The following HSD17B4 variants were observed in gnomAD, a reference collection of about 807,000 sequenced individuals.
HSD17B4 encodes hydroxysteroid 17-beta dehydrogenase 4, also known as peroxisomal multifunctional enzyme type 2.
Under a neutral mutation model 101.0 loss-of-function variants are expected in HSD17B4, and 70 were observed. The observed-to-expected ratio is 0.69, with a 90% CI of 0.57 to 0.85. The LOEUF (loss-of-function observed/expected upper bound fraction) is 0.85, where lower values mean the gene tolerates loss of function less well. HSD17B4 is among the 40% of genes least tolerant of loss of function. The pLI, the probability that HSD17B4 is intolerant of heterozygous loss-of-function variation, is 0.00. For missense variants in HSD17B4, 984 were observed against 892.4 expected, an observed-to-expected ratio of 1.10 and a Z score of -1.31; for synonymous variants, 347 against 297.1, an observed-to-expected ratio of 1.17 and a Z score of -1.73.
chr5:119,491,734 T>A (rs1750126935), intron 9 of HSD17B4, among the ~76,000 whole-genome samples: 2 of 152,200 alleles, frequency 1.3e-5, no homozygotes, highest in South Asian at 4.1e-4. Flanking sequence ...ATTGTTTGCT[T>A]CATGGTAACC....
chr5:119,528,772 T>C (rs1753814871), intron 20 of HSD17B4, among the ~76,000 whole-genome samples: 1 of 152,178 alleles, frequency 6.6e-6, no homozygotes, highest in African/African-American at 2.4e-5. Context: ...TATAATGTAT[T>C]CTTGCCATTT....
chr5:119,532,601 CATAA>C (rs957559683), intron 22 of HSD17B4, among the ~76,000 whole-genome samples: 1 of 151,966 alleles, frequency 6.6e-6, no homozygotes, highest in African/African-American at 2.4e-5. Flanking sequence ...TGAGATATTT[CATAA>C]ATAACTAACA....
intron 11 of HSD17B4, 138 bp from the exon 12 acceptor site, chr5:119,496,405 T>G: frequency 3.1e-6 from 2 of 649,658 alleles, no homozygotes; most frequent in South Asian, 3.7e-5. Context: ...TGACATACAT[T>G]CAGTTCATGA....
At chr5:119,501,047 G>A (rs899127253) in intron 13 of HSD17B4, among the ~76,000 whole-genome samples, 3 of 152,022 alleles carry the variant, frequency 2.0e-5, no homozygotes. Context: ...CATGAAGTTG[G>A]GAGGAAGACA....
intron 15 of HSD17B4, 21 bp downstream of exon 15, chr5:119,506,910 A>ATAATAAT: frequency 8.1e-7 from 1 of 1,239,554 alleles, no homozygotes; most frequent in African/African-American, 1.5e-5. Flanking sequence ...TACAATTCTT[A>ATAATAAT]TAATAATATT....
chr5:119,508,591 C>A (rs1196335966), intron 15 of HSD17B4, among the ~76,000 whole-genome samples: 2 of 152,166 alleles, frequency 1.3e-5, no homozygotes, highest in Non-Finnish European at 2.9e-5. Flanking sequence ...CTTGCTCACT[C>A]ATATCATTTA....
chr5:119,542,198 A>G lies in HSD17B4; in HGVS notation c.*204A>G, dbSNP rs1755055661. The G allele has an allele frequency of 3.9e-6, 2 of 507,610 alleles. No individual in the cohort carries two copies. Among genetic ancestry groups the G allele is most frequent in the Non-Finnish European group, 7.1e-6 (2 of 282,386 alleles). 31.4% of individuals were successfully genotyped at this position (507,610 alleles called of 1,614,324 possible). A position where few individuals can be genotyped will look rare whatever the true frequency, so the allele number is the denominator to read the frequency against. On this transcript the variant is annotated 3_prime_UTR_variant, in exon 24 of 24. Transcript: ENST00000510025. ...TACAAGGAACTATATATAAGCTAGCACATAATTATCCTTCTGTTCTTAGAT... is the reference window on the plus strand; with the variant it reads ...TACAAGGAACTATATATAAGCTAGCGCATAATTATCCTTCTGTTCTTAGAT...
intron 14 of HSD17B4, among the ~76,000 whole-genome samples, chr5:119,505,018 A>G (rs374483796): frequency 6.6e-6 from 1 of 152,166 alleles, no homozygotes; most frequent in Admixed American, 6.5e-5. Context: ...TCCTTTCCCC[A>G]TTCCCTATAT....
At chr5:119,463,319 G>C (rs1477944750) in intron 2 of HSD17B4, among the ~76,000 whole-genome samples, 1 of 152,148 alleles carries the variant, frequency 6.6e-6, no homozygotes, top group Non-Finnish European at 1.5e-5. Flanking sequence ...GTAAACATGG[G>C]AATGCAGATA....
chr5:119,493,646 A>T (rs997644956), intron 10 of HSD17B4, 172 bp from the exon 11 acceptor site: 5 of 603,528 alleles, frequency 8.3e-6, no homozygotes, highest in Non-Finnish European at 8.7e-6. Flanking sequence ...ACCTTATCCT[A>T]GTGGGTTTGT....
chr5:119,520,988 G>C (rs1053481456), intron 17 of HSD17B4, among the ~76,000 whole-genome samples: 19 of 151,964 alleles, frequency 1.3e-4, no homozygotes, highest in African/African-American at 4.1e-4. Flanking sequence ...CCACTTTTCT[G>C]TATCTTTTAG....
intron 8 of HSD17B4, among the ~76,000 whole-genome samples, chr5:119,479,275 G>A (rs1314600390): frequency 1.3e-5 from 2 of 149,024 alleles, no homozygotes; most frequent in South Asian, 2.1e-4. Context: ...TTTTTTTTTT[G>A]TTTTACACAA....
chr5:119,495,632 G>A (rs190101818), intron 11 of HSD17B4: 65 of 155,146 alleles, frequency 4.2e-4, no homozygotes, highest in Middle Eastern at 3.3e-3. Context: ...ATCAGGAATG[G>A]CAGATATCTC....
At chr5:119,518,994 C>T (rs977611738) in intron 17 of HSD17B4, among the ~76,000 whole-genome samples, 41 of 152,074 alleles carry the variant, frequency 2.7e-4, no homozygotes, top group South Asian at 2.1e-4. Context: ...AAAAAATTAG[C>T]CGAGCATGGT....
chr5:119,464,448 A>G (rs1755599310), intron 2 of HSD17B4, among the ~76,000 whole-genome samples: 1 of 152,046 alleles, frequency 6.6e-6, no homozygotes, highest in South Asian at 2.1e-4. Flanking sequence ...AGAGACTGTC[A>G]TTTCCCCCAC....
chr5:119,480,290 G>A (rs921219691), intron 8 of HSD17B4, among the ~76,000 whole-genome samples: 14 of 151,794 alleles, frequency 9.2e-5, no homozygotes, highest in African/African-American at 2.9e-4. Context: ...GCTTGTTATC[G>A]GGGTCCTGCC....
intron 2 of HSD17B4, among the ~76,000 whole-genome samples, chr5:119,466,310 C>G (rs546672623): frequency 6.6e-6 from 1 of 152,204 alleles, no homozygotes; most frequent in East Asian, 1.9e-4. Context: ...CAGTATAATG[C>G]CCACCTCATA....
intron 22 of HSD17B4, chr5:119,535,909 G>GGTCTC: frequency 5.9e-6 from 1 of 170,714 alleles, no homozygotes. Context: ...GATCCTCAGG[G>GGTCTC]GTCTCCAAGT....
intron 8 of HSD17B4, among the ~76,000 whole-genome samples, chr5:119,488,762 A>G (rs1406980439): frequency 1.3e-5 from 2 of 151,982 alleles, no homozygotes; most frequent in African/African-American, 4.8e-5. Context: ...AGGATTCAGC[A>G]CTCTCAATCA....
Sources: gnomAD v4.1 joint callset for allele counts (sites outside exome capture counted in the v4.1 genomes callset) on GRCh38, gnomAD v4.1.1 for gene constraint, MANE v1.5 for transcripts, NCBI Gene and HGNC (gene_info 2026-07-23, HGNC 2026-07-21) for gene names.